ANK3: variants seen among roughly 807,000 people sequenced by gnomAD.
ANK3 encodes the protein ankyrin-3.
A neutral mutation model predicts 370.9 loss-of-function variants in ANK3; 57 were observed. The observed-to-expected ratio is 0.15, with a 90% CI of 0.12 to 0.19. The LOEUF (loss-of-function observed/expected upper bound fraction) is 0.19, where lower values mean the gene tolerates loss of function less well. Ranked by LOEUF, ANK3 falls within the 10% of genes least tolerant of loss-of-function variation. The pLI is 1.00. For synonymous variants in ANK3, 1,929 were observed against 1,946.3 expected (o/e 0.99, Z 0.23); for missense variants, 4,439 against 5,302.1 (o/e 0.84, Z 5.06).
At chr10:60,569,263 G>A (rs1418027763) in intron 2 of ANK3, among the ~76,000 whole-genome samples, 5 of 152,088 alleles carry the variant, frequency 3.3e-5, no homozygotes, top group Non-Finnish European at 7.4e-5. Context: ...CCACTTCGAG[G>A]TTAGGTGTTA....
At chr10:60,482,673 G>C (rs149028254) in intron 2 of ANK3, among the ~76,000 whole-genome samples, 9 of 152,114 alleles carry the variant, frequency 5.9e-5, no homozygotes, top group East Asian at 3.9e-4. Flanking sequence ...TTTTTGTAGG[G>C]ACCAGGTTTC....
At position 60,076,933 on chromosome 10, in the gene ANK3, T is replaced by C. The variant is rs548178908; in HGVS notation, c.4433-485A>G. On this transcript the variant is annotated intron_variant, in intron 36 of 43. Transcript: ENST00000280772. ...AATTTCTAATGTCCTCTCTCTCCTTTAGCCTTTCCATGATACAGATTGCAC... is the reference window on the plus strand; with the variant it reads ...AATTTCTAATGTCCTCTCTCTCCTTCAGCCTTTCCATGATACAGATTGCAC... Among the ~76,000 whole-genome samples the C allele has an allele frequency of 3.3e-5, 5 of 152,326 alleles. No homozygotes were observed. In the East Asian group the frequency reaches 9.6e-4, roughly 29 times the overall value.
At chr10:60,545,615 A>C (rs1385151273) in intron 2 of ANK3, among the ~76,000 whole-genome samples, 1 of 152,146 alleles carries the variant, frequency 6.6e-6, no homozygotes, top group Non-Finnish European at 1.5e-5. Flanking sequence ...AAGATTTTCA[A>C]GGGATTGAAA....
At chr10:60,614,492 C>T (rs966476110) in intron 2 of ANK3, among the ~76,000 whole-genome samples, 2 of 152,032 alleles carry the variant, frequency 1.3e-5, no homozygotes, top group African/African-American at 4.8e-5. Flanking sequence ...CTTACCTGAC[C>T]CTGCTGGTTG....
chr10:60,616,630 A>G (rs1463052683), intron 1 of ANK3, among the ~76,000 whole-genome samples: 1 of 152,092 alleles, frequency 6.6e-6, no homozygotes, highest in Admixed American at 6.6e-5. Flanking sequence ...TGTCTAGCAC[A>G]TCTAACATTG....
intron 2 of ANK3, among the ~76,000 whole-genome samples, chr10:60,555,022 A>G (rs567611518): frequency 1.2e-3 from 177 of 152,300 alleles, no homozygotes; most frequent in Non-Finnish European, 2.1e-3. Context: ...ATGGAACCAG[A>G]GTACAAAATT....
At chr10:60,210,027 T>C (rs2096827982) in intron 9 of ANK3, among the ~76,000 whole-genome samples, 1 of 152,168 alleles carries the variant, frequency 6.6e-6, no homozygotes, top group African/African-American at 2.4e-5. Flanking sequence ...TGATGGGCTT[T>C]CTTAGCTCAG....
At chr10:60,680,304 G>A (rs1037829586) in intron 1 of ANK3, among the ~76,000 whole-genome samples, 2 of 152,158 alleles carry the variant, frequency 1.3e-5, no homozygotes, top group East Asian at 1.9e-4. Flanking sequence ...ACTGCTGCTC[G>A]CACCACAGTA....
chr10:60,513,122 C>G (rs980995524), intron 2 of ANK3, among the ~76,000 whole-genome samples: 1 of 152,086 alleles, frequency 6.6e-6, no homozygotes, highest in Admixed American at 6.6e-5. Context: ...TACGTGTCTT[C>G]CTCCCTCATG....
Position 60,150,900 on chromosome 10 carries a change from A to G in ANK3, c.2615-11813T>C, listed in dbSNP as rs561243764. Among the ~76,000 whole-genome samples, 6 of 152,318 alleles carry G rather than the reference A, an allele frequency of 3.9e-5. No individual in the cohort carries two copies. In the East Asian group the frequency reaches 1.2e-3, roughly 29 times the overall value. ...GTATTTCTTTCTAGCAGCGCAAAAC[A>G]GACTAACACAGAATCTCGAGTAGAA... On this transcript the variant is annotated intron_variant, in intron 23 of 43. Coordinates refer to ENST00000280772, the MANE Select transcript of ANK3 (RefSeq NM_020987.5).
chr10:60,716,219 CT>C (rs1345015021), intron 1 of ANK3, among the ~76,000 whole-genome samples: 1 of 151,984 alleles, frequency 6.6e-6, no homozygotes, highest in Non-Finnish European at 1.5e-5. Context: ...ATAGAATTAA[CT>C]TTAAAAAATT....
chr10:60,704,043 A>G (rs932169557), intron 1 of ANK3, among the ~76,000 whole-genome samples: 1 of 152,152 alleles, frequency 6.6e-6, no homozygotes, highest in Non-Finnish European at 1.5e-5. Context: ...CTCTTAGGCC[A>G]TTGCTTTTGG....
chr10:60,050,992 T>A (rs1432731201), intron 42 of ANK3, among the ~76,000 whole-genome samples: 1 of 152,120 alleles, frequency 6.6e-6, no homozygotes, highest in Non-Finnish European at 1.5e-5. Flanking sequence ...AGCCACTGAT[T>A]GCTTATGAAG....
At chr10:60,703,665 T>C (rs1272048836) in intron 1 of ANK3, among the ~76,000 whole-genome samples, 1 of 152,142 alleles carries the variant, frequency 6.6e-6, no homozygotes, top group African/African-American at 2.4e-5. Flanking sequence ...ATTTCAAAAA[T>C]ACCGAAAAGC....
rs879309416 is a variant in ANK3 at position 60,418,715 on chromosome 10, G to GA, written c.97-139077dup. ...TATTGCATGGGACATACTTACGCTA[G>GA]AAAAAAAAAAAAGCCTTGTTTATCT... On this transcript the variant is annotated intron_variant, in intron 2 of 43. Coordinates refer to the ANK3 transcript ENST00000373827. 5.7e-3 allele frequency among the ~76,000 whole-genome samples: 770 copies of GA among 134,192 alleles called. 6 individuals are homozygous for GA. The highest frequency in any genetic ancestry group is 0.015 in the African/African-American group (565 of 36,524). 88.0% of individuals were successfully genotyped at this position (134,192 alleles called of 152,430 possible). A position where few individuals can be genotyped will look rare whatever the true frequency, so the allele number is the denominator to read the frequency against.
intron 25 of ANK3, among the ~76,000 whole-genome samples, chr10:60,116,103 A>G (rs1196412043): frequency 2.0e-5 from 3 of 152,284 alleles, no homozygotes; most frequent in Admixed American, 6.5e-5. Context: ...GTTGTCAAAT[A>G]ATGATCCCCT....
chr10:60,460,454 A>C (rs1397260746), intron 2 of ANK3, among the ~76,000 whole-genome samples: 4 of 152,170 alleles, frequency 2.6e-5, no homozygotes, highest in African/African-American at 9.7e-5. Context: ...AGTCTCTTGA[A>C]TATTTCTTGG....
chr10:60,337,313 C>T (rs1284493805), intron 1 of ANK3, among the ~76,000 whole-genome samples: 2 of 152,028 alleles, frequency 1.3e-5, no homozygotes, highest in East Asian at 1.9e-4. Flanking sequence ...GTAGTTTTTT[C>T]TTTGCTGCCC....
intron 7 of ANK3, among the ~76,000 whole-genome samples, chr10:60,258,976 A>G (rs1232756714): frequency 6.6e-6 from 1 of 152,232 alleles, no homozygotes; most frequent in African/African-American, 2.4e-5. Flanking sequence ...TTAGCAAATG[A>G]GGCTTAATAA....
Sources: allele counts gnomAD v4.1 joint callset (sites outside exome capture counted in the v4.1 genomes callset), GRCh38; gene constraint gnomAD v4.1.1; transcripts MANE v1.5; gene names NCBI Gene and HGNC (gene_info 2026-07-23, HGNC 2026-07-21).